DYNC2H1: variants seen among roughly 807,000 people sequenced by gnomAD.
DYNC2H1 encodes dynein cytoplasmic 2 heavy chain 1.
A neutral mutation model predicts 570.0 loss-of-function variants in DYNC2H1; 410 were observed. The observed-to-expected ratio is 0.72, with a 90% CI of 0.66 to 0.78. The LOEUF (loss-of-function observed/expected upper bound fraction) is 0.78, where lower values mean the gene tolerates loss of function less well. Among genes scored for constraint, DYNC2H1 ranks in the 30% least tolerant of loss-of-function variants. DYNC2H1 has a pLI of 0.00. For synonymous variants in DYNC2H1, 1,688 were observed against 1,677.6 expected (o/e 1.01, Z -0.15); for missense variants, 4,865 against 5,046.4 (o/e 0.96, Z 1.09).
At position 103,241,893 on chromosome 11, in the gene DYNC2H1, G is replaced by C. The variant is rs1262811805; in HGVS notation, c.9820-1800G>C. Among the ~76,000 whole-genome samples the C allele has an allele frequency of 3.3e-5, 5 of 152,066 alleles. No individual in the cohort carries two copies. Among genetic ancestry groups the C allele is most frequent in the African/African-American group, 1.2e-4 (5 of 41,418 alleles). The stretch of plus-strand genomic sequence containing the variant: ...ATAATAATAATAAAGCTGTTTTAAA[G>C]TCGTTCTTCTCTTTAATATCACCGT... On this transcript the variant is annotated intron_variant, in intron 63 of 88. Coordinates refer to ENST00000375735, the MANE Select transcript of DYNC2H1 (RefSeq NM_001377.3). This position sits in a 1 kb window ranked among gnomAD's most constrained non-coding sequence, Gnocchi z 5.1.
chr11:103,408,645 C>T (rs576400743), intron 84 of DYNC2H1, among the ~76,000 whole-genome samples: 1 of 152,060 alleles, frequency 6.6e-6, no homozygotes, highest in East Asian at 1.9e-4. Context: ...ACAAATGAAC[C>T]CTTAATAGCA....
intron 11 of DYNC2H1, among the ~76,000 whole-genome samples, chr11:103,124,661 G>A (rs74813734): frequency 0.024 from 3,698 of 151,972 alleles, 173 homozygotes; most frequent in African/African-American, 0.084. Flanking sequence ...AGAATGAAAC[G>A]TTTTAATATC....
rs1862225323 is a variant in DYNC2H1, at chr11:103,189,846, T to C, written c.7437+30T>C. On this transcript the variant is annotated intron_variant, in intron 45 of 88. Coordinates refer to ENST00000375735, the MANE Select transcript of DYNC2H1 (RefSeq NM_001377.3). The surrounding 1 kb of genome is among the most constrained non-coding windows in gnomAD (Gnocchi z 4.3). ...ATATGCATCTAAATTGTAGCTTTCATGTCTATTAGTATCATTTCTAAAGGT... is the reference window on the plus strand; with the variant it reads ...ATATGCATCTAAATTGTAGCTTTCACGTCTATTAGTATCATTTCTAAAGGT... The C allele has an allele frequency of 1.3e-6, 2 of 1,561,876 alleles. No individual in the cohort carries two copies. The highest frequency in any genetic ancestry group is 1.7e-6 in the Non-Finnish European group (2 of 1,158,838).
chr11:103,158,884 C>T (rs1281844476), intron 27 of DYNC2H1, 26 bp from the exon 28 acceptor site: 1 of 1,554,330 alleles, frequency 6.4e-7, no homozygotes, highest in South Asian at 1.2e-5. Context: ...AAAAAGAAAG[C>T]TATTTTTTGT....
chr11:103,416,294 T>TATA (rs998826043), intron 84 of DYNC2H1, among the ~76,000 whole-genome samples: 1 of 152,048 alleles, frequency 6.6e-6, no homozygotes, highest in African/African-American at 2.4e-5. Flanking sequence ...GAACTTAAAC[T>TATA]ATAATAATAA....
chr11:103,285,997 T>G (rs1565463374), intron 73 of DYNC2H1, among the ~76,000 whole-genome samples: 1 of 152,202 alleles, frequency 6.6e-6, no homozygotes, highest in Non-Finnish European at 1.5e-5. Flanking sequence ...TAGGTACAAA[T>G]GTTTTTACAT....
In DYNC2H1 at chr11:103,181,901, A is replaced by G. The variant is rs1330338958; in HGVS notation, c.6477+15A>G. The stretch of plus-strand genomic sequence containing the variant: ...TTCTAAAGCAGGTAAATTAACCATA[A>G]TATTTCATAATTAATCGAGGTGAGA... On this transcript the variant is annotated intron_variant, in intron 40 of 88. Coordinates refer to ENST00000375735, the MANE Select transcript of DYNC2H1 (RefSeq NM_001377.3). The surrounding 1 kb of genome is among the most constrained non-coding windows in gnomAD (Gnocchi z 5.0). The G allele has an allele frequency of 1.3e-6, 2 of 1,596,836 alleles. No individual in the cohort carries two copies. Among genetic ancestry groups the G allele is most frequent in the Non-Finnish European group, 8.5e-7 (1 of 1,171,070 alleles).
intron 84 of DYNC2H1, among the ~76,000 whole-genome samples, chr11:103,410,247 T>G (rs1330088363): frequency 6.6e-6 from 1 of 152,140 alleles, no homozygotes; most frequent in Admixed American, 6.6e-5. Flanking sequence ...ATGGCCTTAT[T>G]CAACCAAGCA....
At position 103,470,790 on chromosome 11, in the gene DYNC2H1, C is replaced by T. The variant is rs1945355195; in HGVS notation, c.12765+2085C>T. On this transcript the variant is annotated intron_variant, in intron 88 of 88. Coordinates refer to ENST00000375735, the MANE Select transcript of DYNC2H1 (RefSeq NM_001377.3). The stretch of plus-strand genomic sequence containing the variant: ...ATAGCATTCCATGGTGTATATGTGC[C>T]ACATTTTCTTAATCCAGTCTATCGT... 2.0e-5 allele frequency among the ~76,000 whole-genome samples: 3 copies of T among 152,154 alleles called. No homozygotes were observed. The South Asian group carries it at 6.2e-4, about 32-fold the overall frequency.
intron 83 of DYNC2H1, among the ~76,000 whole-genome samples, chr11:103,397,016 C>A (rs7122988): frequency 0.56 from 85,442 of 151,952 alleles, 25,608 homozygotes; most frequent in African/African-American, 0.8. Context: ...CTAAATAGTG[C>A]ACATTGTACT....
In DYNC2H1 at chr11:103,311,860, T is replaced by C. The variant is rs929744026; in HGVS notation, c.11494-18T>C. 5.6e-6 allele frequency: 9 copies of C among 1,595,484 alleles called. No individual in the cohort carries two copies. The highest frequency in any genetic ancestry group is 5.3e-5 in the Admixed American group (3 of 56,776). ...TGTAGGATTTTAGCAATAGGATGTC[T>C]GTTGATTTTTTTTCTAGTCACCTCC... On this transcript the variant is annotated intron_variant, in intron 78 of 88. Transcript: ENST00000375735.
In DYNC2H1 at chr11:103,467,737, C is replaced by A. The variant is rs180675910; in HGVS notation, c.12649-852C>A. 3.7e-3 allele frequency among the ~76,000 whole-genome samples: 558 copies of A among 152,144 alleles called. 6 individuals are homozygous for A. In the East Asian group the frequency reaches 0.046, roughly 12 times the overall value. On this transcript the variant is annotated intron_variant, in intron 87 of 88. Coordinates refer to ENST00000375735, the MANE Select transcript of DYNC2H1 (RefSeq NM_001377.3). The stretch of plus-strand genomic sequence containing the variant: ...CATTTTTAGTACAGATGGGGTTTCA[C>A]CATGTTAGCCAGGATGGTCTCCATC...
In DYNC2H1 at chr11:103,249,844, C is replaced by G. The variant is rs2135243959; in HGVS notation, c.10043-3441C>G. Among the ~76,000 whole-genome samples, 1 of 152,164 alleles carries G rather than the reference C, an allele frequency of 6.6e-6. No homozygotes were observed. Among genetic ancestry groups the G allele is most frequent in the African/African-American group, 2.4e-5 (1 of 41,550 alleles). On this transcript the variant is annotated intron_variant, in intron 65 of 88. Transcript: ENST00000375735. The surrounding 1 kb of genome is among the most constrained non-coding windows in gnomAD (Gnocchi z 4.6). ...TTACCAATGATAGTTTAGTCCCACT[C>G]CATTTCTCTTACATATACATAAAAA...
rs768893643 is a variant in DYNC2H1, at chr11:103,286,377, A to C, written c.11013A>C (p.Leu3671Phe). 28 of 1,610,688 alleles carry C rather than the reference A, an allele frequency of 1.7e-5. No homozygotes were observed. The highest frequency in any genetic ancestry group is 2.3e-5 in the Non-Finnish European group (27 of 1,179,168). ...FPSILAKKVS[L>F]FQQILVVQAL... ...CTATCCTTGCAAAGAAAGTTTCCTT[A>C]TTTCAGCAGGTAAAATTTAGTGTTA... Residue 3671 changes from leucine (L) to phenylalanine (F), a missense_variant, in exon 74 of 89, where the codon TTA becomes TTC. Leu to Phe is a conservative substitution (Grantham distance 22). Transcript: ENST00000375735.
chr11:103,223,810 C>T (rs1863694305), intron 59 of DYNC2H1, among the ~76,000 whole-genome samples: 1 of 146,436 alleles, frequency 6.8e-6, no homozygotes, highest in Non-Finnish European at 1.5e-5. Flanking sequence ...TGCAGTGGCG[C>T]GATCTCAGCT....
intron 84 of DYNC2H1, chr11:103,407,106 T>A (rs1565571189): frequency 2.0e-5 from 3 of 151,970 alleles, no homozygotes; most frequent in South Asian, 2.1e-4. Flanking sequence ...TTTTTTTTTT[T>A]AATTAAGATT....
intron 84 of DYNC2H1, chr11:103,409,508 C>T (rs1942997019): frequency 6.6e-6 from 1 of 152,096 alleles, no homozygotes; most frequent in African/African-American, 2.4e-5. Flanking sequence ...AGGTTATTTC[C>T]TAGGGTCTAA....
chr11:103,276,107 CAT>C (rs1053172495), intron 70 of DYNC2H1, among the ~76,000 whole-genome samples: 1 of 152,052 alleles, frequency 6.6e-6, no homozygotes, highest in Non-Finnish European at 1.5e-5. Flanking sequence ...TTTCTGATGA[CAT>C]ATGATGTGGA....
intron 84 of DYNC2H1, among the ~76,000 whole-genome samples, chr11:103,432,450 G>T (rs1943925393): frequency 6.6e-6 from 1 of 152,074 alleles, no homozygotes; most frequent in African/African-American, 2.4e-5. Flanking sequence ...CATCTTCAAG[G>T]ATCTCCTTTG....
Sources: gnomAD v4.1 joint callset for allele counts (sites outside exome capture counted in the v4.1 genomes callset) on GRCh38, gnomAD v4.1.1 for gene constraint, Gnocchi (gnomAD v3.1) non-coding constraint, MANE v1.5 for transcripts, NCBI Gene and HGNC (gene_info 2026-07-23, HGNC 2026-07-21) for gene names.